Variants in FHIT observed in about 807,000 individuals in gnomAD.
FHIT encodes fragile histidine triad diadenosine triphosphatase, also known as bis(5'-adenosyl)-triphosphatase.
A neutral mutation model predicts 17.9 loss-of-function variants in FHIT; 19 were observed. That is an observed-to-expected ratio of 1.06 (90% CI 0.74 to 1.56). FHIT has a LOEUF of 1.56. FHIT is among the 40% of genes most tolerant of loss of function. The pLI is 0.00. For missense variants in FHIT, 248 were observed against 189.2 expected, an observed-to-expected ratio of 1.31 and a Z score of -1.82; for synonymous variants, 81 against 69.7, an observed-to-expected ratio of 1.16 and a Z score of -0.81.
chr3:61,020,958 G>A (rs144546872), intron 3 of FHIT, among the ~76,000 whole-genome samples: 3 of 152,194 alleles, frequency 2.0e-5, no homozygotes, highest in African/African-American at 4.8e-5. Flanking sequence ...AATGGTAAAG[G>A]GATCAATGCA....
At chr3:60,933,593 T>A (rs1553772377) in intron 3 of FHIT, among the ~76,000 whole-genome samples, 2 of 152,164 alleles carry the variant, frequency 1.3e-5, no homozygotes, top group African/African-American at 4.8e-5. Context: ...GGAAGTTGAA[T>A]GTTCTTCACT....
At chr3:60,349,303 G>A (rs974359386) in intron 5 of FHIT, among the ~76,000 whole-genome samples, 1 of 152,100 alleles carries the variant, frequency 6.6e-6, no homozygotes, top group Admixed American at 6.6e-5. Context: ...CTCTGTTCTA[G>A]GTACTGAGAA....
At chr3:60,012,945 C>T (rs1186039242) in intron 6 of FHIT, among the ~76,000 whole-genome samples, 1 of 152,070 alleles carries the variant, frequency 6.6e-6, no homozygotes, top group Non-Finnish European at 1.5e-5. Flanking sequence ...TTAGTCTCTC[C>T]AGAAACACGG....
At chr3:61,199,457 T>C (rs2038951906) in intron 2 of FHIT, among the ~76,000 whole-genome samples, 2 of 152,216 alleles carry the variant, frequency 1.3e-5, no homozygotes, top group South Asian at 4.1e-4. Context: ...TCACTGATGT[T>C]CAACAATTAT....
At chr3:60,648,723 G>A (rs1419855726) in intron 4 of FHIT, among the ~76,000 whole-genome samples, 1 of 152,166 alleles carries the variant, frequency 6.6e-6, no homozygotes, top group African/African-American at 2.4e-5. Context: ...GCTAATGTGA[G>A]ATGAAAAGCT....
intron 3 of FHIT, among the ~76,000 whole-genome samples, chr3:60,932,145 A>T (rs1241196426): frequency 6.6e-6 from 1 of 152,214 alleles, no homozygotes; most frequent in African/African-American, 2.4e-5. Context: ...GATGAAGAAC[A>T]AGTAAATAAA....
At chr3:60,261,350 C>G (rs1706288846) in intron 5 of FHIT, among the ~76,000 whole-genome samples, 1 of 151,898 alleles carries the variant, frequency 6.6e-6, no homozygotes, top group Non-Finnish European at 1.5e-5. Flanking sequence ...TACATCCTAC[C>G]TAAGATGGTA....
intron 5 of FHIT, among the ~76,000 whole-genome samples, chr3:60,279,899 G>A (rs1707347988): frequency 6.6e-6 from 1 of 151,900 alleles, no homozygotes; most frequent in Admixed American, 6.6e-5. Flanking sequence ...AGGTATGGTG[G>A]CAGGCACTTC....
At chr3:59,982,113 G>C (rs533575597) in intron 7 of FHIT, among the ~76,000 whole-genome samples, 1 of 152,178 alleles carries the variant, frequency 6.6e-6, no homozygotes, top group East Asian at 1.9e-4. Context: ...AGAGCTCTTC[G>C]CGTTACATTA....
At chr3:61,004,366 A>G (rs2031303214) in intron 3 of FHIT, among the ~76,000 whole-genome samples, 2 of 152,160 alleles carry the variant, frequency 1.3e-5, no homozygotes, top group African/African-American at 2.4e-5. Flanking sequence ...CCTCTTCTGT[A>G]TTGGTAGGAA....
intron 5 of FHIT, among the ~76,000 whole-genome samples, chr3:60,333,857 A>T (rs1490045490): frequency 6.6e-6 from 1 of 152,220 alleles, no homozygotes; most frequent in Admixed American, 6.5e-5. Context: ...TATTTGGACA[A>T]TGAGATGTCA....
chr3:60,185,350 G>C (rs1348009645), intron 5 of FHIT, among the ~76,000 whole-genome samples: 1 of 152,094 alleles, frequency 6.6e-6, no homozygotes, highest in African/African-American at 2.4e-5. Context: ...GTCTTTACCA[G>C]AAAGTTAATA....
intron 5 of FHIT, among the ~76,000 whole-genome samples, chr3:60,194,061 A>T (rs888595967): frequency 2.0e-5 from 3 of 152,074 alleles, no homozygotes; most frequent in African/African-American, 7.2e-5. Flanking sequence ...TCAAAAAACC[A>T]TTTTTTTCAC....
intron 5 of FHIT, among the ~76,000 whole-genome samples, chr3:60,146,088 C>A (rs1463604972): frequency 6.6e-6 from 1 of 151,998 alleles, no homozygotes; most frequent in Non-Finnish European, 1.5e-5. Context: ...ATAATTTAGC[C>A]AGTCCAAATC....
chr3:60,991,526 C>G (rs995747098), intron 3 of FHIT, among the ~76,000 whole-genome samples: 1 of 152,300 alleles, frequency 6.6e-6, no homozygotes, highest in East Asian at 1.9e-4. Flanking sequence ...TCAAAGATAG[C>G]ATTTCCCTTA....
intron 7 of FHIT, among the ~76,000 whole-genome samples, chr3:59,938,166 GACAA>G (rs987099878): frequency 2.6e-5 from 4 of 152,080 alleles, no homozygotes; most frequent in Middle Eastern, 3.4e-3. Context: ...TCCATCAAAG[GACAA>G]ACAGATTAAA....
chr3:60,511,374 G>T (rs749289683), intron 5 of FHIT, among the ~76,000 whole-genome samples: 6 of 152,090 alleles, frequency 3.9e-5, no homozygotes, highest in Non-Finnish European at 8.8e-5. Flanking sequence ...GACAAACATC[G>T]CTTTATGTGT....
At chr3:60,475,453 C>A (rs972278896) in intron 5 of FHIT, among the ~76,000 whole-genome samples, 1 of 152,166 alleles carries the variant, frequency 6.6e-6, no homozygotes, top group Non-Finnish European at 1.5e-5. Flanking sequence ...AAAGCTCCAT[C>A]TTTAGAGAAA....
chr3:60,571,587 A>G (rs922659788), intron 4 of FHIT, among the ~76,000 whole-genome samples: 18 of 152,126 alleles, frequency 1.2e-4, no homozygotes, highest in Non-Finnish European at 1.2e-4. Context: ...GGGTATGTTC[A>G]AGATGAAGAA....
Sources: allele counts gnomAD v4.1 joint callset (sites outside exome capture counted in the v4.1 genomes callset), GRCh38; gene constraint gnomAD v4.1.1; transcripts MANE v1.5; gene names NCBI Gene and HGNC (gene_info 2026-07-23, HGNC 2026-07-21).